The following PLCB4 variants were observed in gnomAD, a reference collection of about 807,000 sequenced individuals.
The protein encoded by PLCB4 is 1-phosphatidylinositol 4,5-bisphosphate phosphodiesterase beta-4.
A neutral mutation model predicts 178.8 loss-of-function variants in PLCB4; 77 were observed. That is an observed-to-expected ratio of 0.43 (90% CI 0.36 to 0.52). The LOEUF is 0.52. Ranked by LOEUF, PLCB4 falls within the 20% of genes least tolerant of loss-of-function variation. The probability of loss-of-function intolerance (pLI) is 0.00; values close to 1 mark genes in which losing one functional copy is unlikely to be tolerated. For missense variants in PLCB4, 1,024 were observed against 1,453.4 expected (o/e 0.70, Z 4.80); for synonymous variants, 496 against 490.8 (o/e 1.01, Z -0.14).
chr20:9,452,467 G>C (rs147776760), intron 32 of PLCB4, among the ~76,000 whole-genome samples: 1 of 152,130 alleles, frequency 6.6e-6, no homozygotes, highest in Non-Finnish European at 1.5e-5. Context: ...CAAGAGTAAG[G>C]TTAGGCTATA....
chr20:9,240,606 C>T (rs907956026), intron 3 of PLCB4, among the ~76,000 whole-genome samples: 1 of 152,142 alleles, frequency 6.6e-6, no homozygotes, highest in Non-Finnish European at 1.5e-5. Flanking sequence ...GCGCCAGCTC[C>T]AAGCCATGCC....
intron 9 of PLCB4, among the ~76,000 whole-genome samples, chr20:9,367,138 C>T (rs531361192): frequency 6.6e-6 from 1 of 152,202 alleles, no homozygotes; most frequent in Non-Finnish European, 1.5e-5. Context: ...TCATATTTAA[C>T]AGAATTGTCC....
intron 6 of PLCB4, among the ~76,000 whole-genome samples, chr20:9,338,583 G>C (rs1285630461): frequency 6.6e-6 from 1 of 151,944 alleles, no homozygotes; most frequent in Non-Finnish European, 1.5e-5. Flanking sequence ...AGGCTGCGGT[G>C]GGAGGATCCA....
intron 2 of PLCB4, among the ~76,000 whole-genome samples, chr20:9,106,418 T>C (rs889816853): frequency 3.3e-5 from 5 of 151,826 alleles, no homozygotes; most frequent in Non-Finnish European, 7.4e-5. Context: ...CAAACTGCAC[T>C]GAAGGGCCAT....
At chr20:9,403,955 G>C (rs921153982) in intron 20 of PLCB4, among the ~76,000 whole-genome samples, 21 of 152,198 alleles carry the variant, frequency 1.4e-4, no homozygotes, top group Non-Finnish European at 2.9e-4. Flanking sequence ...TGCCAGGCAG[G>C]GTGGTGACAC....
At chr20:9,182,740 C>T (rs2093267997) in intron 2 of PLCB4, among the ~76,000 whole-genome samples, 3 of 152,182 alleles carry the variant, frequency 2.0e-5, no homozygotes, top group African/African-American at 7.2e-5. Context: ...AGTGCTGAAA[C>T]CTTGGCCCTC....
At chr20:9,244,542 T>C (rs2094103847) in intron 3 of PLCB4, among the ~76,000 whole-genome samples, 1 of 152,180 alleles carries the variant, frequency 6.6e-6, no homozygotes, top group Non-Finnish European at 1.5e-5. Context: ...ATTGGCCCCA[T>C]ACAATACATA....
rs8124022 is a variant in PLCB4 at position 9,225,795 on chromosome 20, A to G, written c.-16+8343A>G. Reference sequence around the variant, plus strand: ...AGAGGGAACAATATAAATCCAGTTCAGCTCCCTGGATTATTTTTTGATATA... The same window carrying G: ...AGAGGGAACAATATAAATCCAGTTCGGCTCCCTGGATTATTTTTTGATATA... On this transcript the variant is annotated intron_variant, in intron 3 of 39. Transcript: ENST00000378473. 7.4e-3 allele frequency among the ~76,000 whole-genome samples: 1,131 copies of G among 152,356 alleles called. 16 individuals carry two copies. The highest frequency in any genetic ancestry group is 0.026 in the African/African-American group (1,087 of 41,574).
In PLCB4 at chr20:9,453,449, A is replaced by G. The variant is rs1304917538; in HGVS notation, c.2983A>G (p.Met995Val). ...STHEKILEKA[M>V]KKKGGSNCLE... Reference sequence around the variant, plus strand: ...TCATGAGAAAATCCTAGAGAAGGCAATGAAGAAGAAGGGGTAATACTGTTT... The same window carrying G: ...TCATGAGAAAATCCTAGAGAAGGCAGTGAAGAAGAAGGGGTAATACTGTTT... The change falls in exon 33 of 40, where the codon ATG (methionine) becomes GTG (valine). Residue 995 changes from methionine to valine, a missense_variant. Met to Val is a conservative substitution (Grantham distance 21). Transcript: ENST00000378473. 6.3e-7 allele frequency: 1 copy of G among 1,578,100 alleles called. No homozygotes were observed. The highest frequency in any genetic ancestry group is 8.7e-7 in the Non-Finnish European group (1 of 1,148,578).
At chr20:9,240,150 T>C (rs1190577993) in intron 3 of PLCB4, among the ~76,000 whole-genome samples, 1 of 152,122 alleles carries the variant, frequency 6.6e-6, no homozygotes, top group Admixed American at 6.6e-5. Context: ...GTATTAACCA[T>C]CACATAGTAA....
intron 3 of PLCB4, among the ~76,000 whole-genome samples, chr20:9,298,771 C>A (rs779597016): frequency 3.3e-5 from 5 of 152,004 alleles, no homozygotes; most frequent in Non-Finnish European, 7.4e-5. Context: ...GTTACACTTG[C>A]CCCTCAATTA....
At chr20:9,412,722 C>T (rs1320175755) in intron 25 of PLCB4, among the ~76,000 whole-genome samples, 1 of 152,112 alleles carries the variant, frequency 6.6e-6, no homozygotes, top group African/African-American at 2.4e-5. Flanking sequence ...AGCAATAATC[C>T]TATCAAGTCA....
intron 2 of PLCB4, among the ~76,000 whole-genome samples, chr20:9,163,797 C>T (rs932278752): frequency 1.5e-4 from 23 of 151,736 alleles, no homozygotes; most frequent in African/African-American, 4.1e-4. Flanking sequence ...TTCTATATAC[C>T]GTAATTTGCC....
chr20:9,266,326 C>T (rs2147586268), intron 3 of PLCB4, among the ~76,000 whole-genome samples: 1 of 152,248 alleles, frequency 6.6e-6, no homozygotes, highest in South Asian at 2.1e-4. Flanking sequence ...CTTGGTAATT[C>T]ATTTGCAGTT....
rs761137370 is a variant in PLCB4, at chr20:9,401,602, C to T, written c.1611+12C>T. The T allele has an allele frequency of 5.4e-5, 84 of 1,556,622 alleles. 1 individual carries two copies. Among genetic ancestry groups the T allele is most frequent in the Non-Finnish European group, 8.0e-6 (9 of 1,128,420 alleles). ...ATAGCGTCAAGAAGGTCAGAGTCCCCTTTCTTTCATCACTCTCAAGAGGTA... is the reference window on the plus strand; with the variant it reads ...ATAGCGTCAAGAAGGTCAGAGTCCCTTTTCTTTCATCACTCTCAAGAGGTA... On this transcript the variant is annotated intron_variant, in intron 20 of 39. Transcript: ENST00000378473.
chr20:9,074,954 G>A (rs1188129676), intron 1 of PLCB4, among the ~76,000 whole-genome samples: 1 of 152,032 alleles, frequency 6.6e-6, no homozygotes, highest in Non-Finnish European at 1.5e-5. Flanking sequence ...TTTCCATGGA[G>A]TTTCTCGGAG....
intron 3 of PLCB4, among the ~76,000 whole-genome samples, chr20:9,279,708 A>G (rs370318953): frequency 1.2e-4 from 19 of 152,166 alleles, no homozygotes; most frequent in African/African-American, 4.3e-4. Flanking sequence ...ACCGTACATA[A>G]AAGTTGAAAA....
chr20:9,249,334 G>A (rs533782936), intron 3 of PLCB4, among the ~76,000 whole-genome samples: 1 of 151,970 alleles, frequency 6.6e-6, no homozygotes, highest in Non-Finnish European at 1.5e-5. Flanking sequence ...TTGAGACAAG[G>A]TATCTCTCTG....
intron 30 of PLCB4, among the ~76,000 whole-genome samples, chr20:9,441,421 A>C (rs1049901343): frequency 2.0e-5 from 3 of 152,150 alleles, no homozygotes; most frequent in African/African-American, 7.2e-5. Context: ...TTTCCAGAAA[A>C]CTGTCTTAAT....
Sources: allele counts gnomAD v4.1 joint callset (sites outside exome capture counted in the v4.1 genomes callset), GRCh38; gene constraint gnomAD v4.1.1; transcripts MANE v1.5; gene names NCBI Gene and HGNC (gene_info 2026-07-23, HGNC 2026-07-21).